The following IDNK variants were observed in gnomAD, a reference collection of about 807,000 sequenced individuals.
The protein encoded by IDNK is gluconokinase.
A neutral mutation model predicts 13.0 loss-of-function variants in IDNK; 9 were observed. That is an observed-to-expected ratio of 0.69 (90% CI 0.42 to 1.21). The LOEUF is 1.21. IDNK is among the 50% of genes most tolerant of loss of function. The pLI, the probability that IDNK is intolerant of heterozygous loss-of-function variation, is 0.00. For missense variants in IDNK, 210 were observed against 237.8 expected (o/e 0.88, Z 0.77); for synonymous variants, 92 against 94.9 (o/e 0.97, Z 0.18).
At chr9:83,628,990 T>C (rs2131621157) in intron 3 of IDNK, 31 bp downstream of exon 3, 1 of 1,550,322 alleles carries the variant, frequency 6.5e-7, no homozygotes, top group East Asian at 2.2e-5. Context: ...CCATCACACA[T>C]ATTCCACCTG....
At chr9:83,634,855 GAA>G (rs930374965) in intron 3 of IDNK, among the ~76,000 whole-genome samples, 1 of 152,192 alleles carries the variant, frequency 6.6e-6, no homozygotes, top group African/African-American at 2.4e-5. Flanking sequence ...GTGCCAAAAA[GAA>G]ATTAATTTTT....
chr9:83,632,647 G>A (rs958438518), intron 3 of IDNK, among the ~76,000 whole-genome samples: 7 of 151,446 alleles, frequency 4.6e-5, no homozygotes, highest in Admixed American at 3.3e-4. Flanking sequence ...ATTCAAAGCC[G>A]CAGTAGGGTT....
chr9:83,640,236 CATAAT>C (rs769377166), intron 3 of IDNK, among the ~76,000 whole-genome samples: 4 of 152,116 alleles, frequency 2.6e-5, no homozygotes, highest in Non-Finnish European at 4.4e-5. Context: ...TTTTATCAAA[CATAAT>C]ATATTATATA....
chr9:83,623,107 C>T (rs1221578126), upstream of IDNK: 2 of 1,339,378 alleles, frequency 1.5e-6, no homozygotes, highest in Non-Finnish European at 1.9e-6. Flanking sequence ...CTCCGCCCCT[C>T]GAGCGCCGGG....
In IDNK at chr9:83,623,154, A is replaced by C; in HGVS notation, c.-18A>C. The C allele has an allele frequency of 1.4e-6, 2 of 1,414,468 alleles. No homozygotes were observed. The highest frequency in any genetic ancestry group is 1.8e-6 in the Non-Finnish European group (2 of 1,089,124). The allele number at this position is 1,414,468 out of a possible 1,614,324, so 87.6% of individuals were successfully genotyped here. A position where few individuals can be genotyped will look rare whatever the true frequency, so the allele number is the denominator to read the frequency against. ...CGGCGGGGCCCGGAAGGCGACGGGA[A>C]GGAGCCGAGCTTGGGTTATGGCGGC... On this transcript the variant is annotated 5_prime_UTR_variant, in exon 1 of 5. Coordinates refer to ENST00000376419, the MANE Select transcript of IDNK (RefSeq NM_001001551.4).
intron 3 of IDNK, among the ~76,000 whole-genome samples, chr9:83,639,630 T>C (rs1013163168): frequency 1.3e-5 from 2 of 152,100 alleles, no homozygotes; most frequent in Non-Finnish European, 2.9e-5. Flanking sequence ...TTTGAAGACT[T>C]AGACAAAACT....
Position 83,639,188 on chromosome 9 carries a change from T to A in IDNK, c.169-2360T>A, listed in dbSNP as rs192142374. 4.3e-3 allele frequency among the ~76,000 whole-genome samples: 649 copies of A among 152,196 alleles called. 5 individuals are homozygous for A. The highest frequency in any genetic ancestry group is 4.8e-3 in the Non-Finnish European group (326 of 67,998). Reference sequence around the variant, plus strand: ...TCTAAAAATAAATAAGCAAATTTTTTAAAAAATTAACATTCATATAAATAA... The same window carrying A: ...TCTAAAAATAAATAAGCAAATTTTTAAAAAAATTAACATTCATATAAATAA... On this transcript the variant is annotated intron_variant, in intron 3 of 4. Coordinates refer to ENST00000376419, the MANE Select transcript of IDNK (RefSeq NM_001001551.4).
In IDNK at chr9:83,638,662, T is replaced by C. The variant is rs117972968; in HGVS notation, c.169-2886T>C. On this transcript the variant is annotated intron_variant, in intron 3 of 4. Transcript: ENST00000376419. ...ACATAAAGCTACCAGAGATAAGATA[T>C]ATTTTCTAAAGGATTGACTAATACA... Among the ~76,000 whole-genome samples the C allele has an allele frequency of 4.9e-3, 739 of 152,264 alleles. 4 individuals are homozygous for C. Among genetic ancestry groups the C allele is most frequent in the Non-Finnish European group, 7.6e-3 (520 of 68,024 alleles).
At chr9:83,640,512 G>A (rs978953788) in intron 3 of IDNK, among the ~76,000 whole-genome samples, 1 of 152,088 alleles carries the variant, frequency 6.6e-6, no homozygotes, top group Non-Finnish European at 1.5e-5. Flanking sequence ...ATGTGGTTGG[G>A]GGCATACGTA....
intron 3 of IDNK, among the ~76,000 whole-genome samples, chr9:83,635,474 G>A (rs895670915): frequency 3.9e-5 from 6 of 152,230 alleles, no homozygotes; most frequent in African/African-American, 1.4e-4. Context: ...CACCATGTCC[G>A]CTGGACAGTG....
chr9:83,633,665 CTT>C (rs1279306393), intron 3 of IDNK, among the ~76,000 whole-genome samples: 1 of 152,136 alleles, frequency 6.6e-6, no homozygotes, highest in Non-Finnish European at 1.5e-5. Context: ...TAGTTTATTC[CTT>C]TTCTTATTTA....
At chr9:83,635,321 C>A (rs1831134863) in intron 3 of IDNK, among the ~76,000 whole-genome samples, 1 of 152,180 alleles carries the variant, frequency 6.6e-6, no homozygotes, top group Non-Finnish European at 1.5e-5. Context: ...ACATTAGTAC[C>A]CACATTTTCA....
rs1831384418 is a variant in IDNK, at chr9:83,643,778, T to C, written c.562T>C (p.Ter188ArgextTer2). Residue 188 changes from the stop codon to arginine (R), a stop_lost, in exon 5 of 5, where the codon TGA becomes CGA. Transcript: ENST00000376419. ...ATIMETLKMK[*>R] is the part of the protein sequence containing the mutation. The stretch of plus-strand genomic sequence containing the variant: ...AATTATGGAAACCCTAAAAATGAAA[T>C]GACAATGATTTTGTATCAGTGGTCC... 6.3e-7 allele frequency: 1 copy of C among 1,597,518 alleles called. No individual in the cohort carries two copies. The highest frequency in any genetic ancestry group is 8.6e-7 in the Non-Finnish European group (1 of 1,168,152).
At chr9:83,639,578 G>C (rs1276891577) in intron 3 of IDNK, among the ~76,000 whole-genome samples, 1 of 152,146 alleles carries the variant, frequency 6.6e-6, no homozygotes, top group African/African-American at 2.4e-5. Context: ...CAATTGAGAT[G>C]AATAATGAAA....
intron 1 of IDNK, among the ~76,000 whole-genome samples, chr9:83,625,210 T>C (rs1469817374): frequency 1.3e-5 from 2 of 152,168 alleles, no homozygotes; most frequent in African/African-American, 4.8e-5. Flanking sequence ...AAGTCAAGGA[T>C]GATTCAAGAT....
At chr9:83,624,408 CTA>C (rs905323959) in intron 1 of IDNK, among the ~76,000 whole-genome samples, 2 of 152,208 alleles carry the variant, frequency 1.3e-5, no homozygotes, top group East Asian at 3.8e-4. Flanking sequence ...AATCCTTACT[CTA>C]TGTCATTGTC....
chr9:83,623,246 C>T (rs1830750217), intron 1 of IDNK, 25 bp downstream of exon 1: 1 of 1,383,140 alleles, frequency 7.2e-7, no homozygotes, highest in Non-Finnish European at 9.3e-7. Flanking sequence ...GGGCGGGGGG[C>T]GCCCGGGACA....
In IDNK at chr9:83,644,031, G is replaced by A. The variant is rs533101195; in HGVS notation, c.*251G>A. 5 of 400,598 alleles carry A rather than the reference G, an allele frequency of 1.2e-5. No individual in the cohort carries two copies. Among genetic ancestry groups the A allele is most frequent in the South Asian group, 3.3e-5 (1 of 29,908 alleles). The allele number at this position is 400,598 out of a possible 1,614,324, so 24.8% of individuals were successfully genotyped here. On this transcript the variant is annotated 3_prime_UTR_variant, in exon 5 of 5. Coordinates refer to ENST00000376419, the MANE Select transcript of IDNK (RefSeq NM_001001551.4). ...TCTATAACCAAATCAAATGATCAGA[G>A]GAAATTCTGTAATCAATGCTGGAAA... is the stretch of plus-strand genomic sequence containing the variant.
chr9:83,641,516 T>C, intron 3 of IDNK, 32 bp from the exon 4 acceptor site: 1 of 1,612,198 alleles, frequency 6.2e-7, no homozygotes, highest in Admixed American at 1.7e-5. Context: ...GAAGTCACGT[T>C]GTGTCTGGGT....
Sources: allele counts gnomAD v4.1 joint callset (sites outside exome capture counted in the v4.1 genomes callset), GRCh38; gene constraint gnomAD v4.1.1; transcripts MANE v1.5; gene names NCBI Gene and HGNC (gene_info 2026-07-23, HGNC 2026-07-21).